UBR3: variants seen among roughly 807,000 people sequenced by gnomAD.
UBR3 encodes ubiquitin protein ligase E3 component n-recognin 3.
Under a neutral mutation model 243.2 loss-of-function variants are expected in UBR3, and 85 were observed. The observed-to-expected ratio is 0.35, with a 90% CI of 0.29 to 0.42. The LOEUF (loss-of-function observed/expected upper bound fraction) is 0.42. Among genes scored for constraint, UBR3 ranks in the 10% least tolerant of loss-of-function variants. The pLI, the probability that UBR3 is intolerant of heterozygous loss-of-function variation, is 1.00. For synonymous variants in UBR3, 748 were observed against 799.8 expected (o/e 0.94, Z 1.09); for missense variants, 1,686 against 2,300.8 (o/e 0.73, Z 5.47).
chr2:169,832,118 G>T (rs558449979), intron 1 of UBR3, among the ~76,000 whole-genome samples: 1 of 152,310 alleles, frequency 6.6e-6, no homozygotes, highest in Admixed American at 6.5e-5. Context: ...GAACTGTGGG[G>T]AGGATTTAGT....
intron 24 of UBR3, among the ~76,000 whole-genome samples, chr2:169,967,061 G>A (rs2087845201): frequency 6.6e-6 from 1 of 152,076 alleles, no homozygotes; most frequent in Admixed American, 6.6e-5. Context: ...ATTTTGTCTT[G>A]ACACATCCAT....
chr2:169,974,455 A>G (rs2088328003), intron 24 of UBR3, among the ~76,000 whole-genome samples: 1 of 152,148 alleles, frequency 6.6e-6, no homozygotes, highest in African/African-American at 2.4e-5. Context: ...GTTGGCATAT[A>G]GTTGTTCATA....
chr2:169,837,112 G>A (rs1379915861), intron 1 of UBR3, among the ~76,000 whole-genome samples: 1 of 152,130 alleles, frequency 6.6e-6, no homozygotes, highest in Non-Finnish European at 1.5e-5. Context: ...TAGGTCTTTT[G>A]TCCATCTGGA....
intron 16 of UBR3, 33 bp from the exon 17 acceptor site, chr2:169,927,287 C>A: frequency 6.6e-7 from 1 of 1,513,820 alleles, no homozygotes; most frequent in South Asian, 1.3e-5. Context: ...TATGTATACT[C>A]AGATTTGTTA....
At chr2:169,912,369 A>C (rs1218272719) in intron 10 of UBR3, among the ~76,000 whole-genome samples, 10 of 151,890 alleles carry the variant, frequency 6.6e-5, no homozygotes. Context: ...CCCAATTCCA[A>C]CCTCCCCTCA....
At chr2:169,999,923 TCGAGACCAGCC>T (rs2089633523) in intron 26 of UBR3, among the ~76,000 whole-genome samples, 3 of 152,212 alleles carry the variant, frequency 2.0e-5, no homozygotes, top group Non-Finnish European at 4.4e-5. Context: ...GGTCGGGAGT[TCGAGACCAGCC>T]TGACCAACAT....
At chr2:169,836,755 C>T (rs1217204814) in intron 1 of UBR3, among the ~76,000 whole-genome samples, 1 of 151,538 alleles carries the variant, frequency 6.6e-6, no homozygotes, top group Admixed American at 6.6e-5. Context: ...TAAAGTTGAA[C>T]ATCTTTTCAT....
chr2:170,075,647 CT>C (rs2091791485), intron 36 of UBR3, among the ~76,000 whole-genome samples: 1 of 152,082 alleles, frequency 6.6e-6, no homozygotes, highest in African/African-American at 2.4e-5. Context: ...TGTATTCCCC[CT>C]TGTGTCCCTG....
intron 24 of UBR3, among the ~76,000 whole-genome samples, chr2:169,976,606 T>C (rs768734224): frequency 9.9e-5 from 15 of 152,154 alleles, no homozygotes; most frequent in African/African-American, 3.6e-4. Context: ...GCCTATAAGG[T>C]TTTTGCTGAG....
chr2:170,073,341 CAAAG>C, intron 35 of UBR3, 83 bp from the exon 36 acceptor site: 1 of 1,479,806 alleles, frequency 6.8e-7, no homozygotes, highest in Non-Finnish European at 9.3e-7. Flanking sequence ...CTTATTGTCT[CAAAG>C]TAATTGATGA....
In UBR3 at chr2:169,835,993, G is replaced by GTCCCCCTCTCTC. The variant is rs1194152380; in HGVS notation, c.545+7943_545+7944insCCCCTCTCTCTC. ...TTTTCCTGAAATTCCTGTGTGCACT[G>GTCCCCCTCTCTC]TCTCTCTCTCTCTCTCTCTCTCTCT... On this transcript the variant is annotated intron_variant, in intron 1 of 38. Coordinates refer to ENST00000272793, the MANE Select transcript of UBR3 (RefSeq NM_172070.4). Among the ~76,000 whole-genome samples the GTCCCCCTCTCTC allele has an allele frequency of 8.1e-4, 25 of 30,730 alleles. 2 individuals carry two copies. Among genetic ancestry groups the GTCCCCCTCTCTC allele is most frequent in the East Asian group, 1.9e-3 (2 of 1,058 alleles). 20.2% of individuals were successfully genotyped at this position (30,730 alleles called of 152,430 possible). A position where few individuals can be genotyped will look rare whatever the true frequency, so the allele number is the denominator to read the frequency against.
chr2:169,860,001 G>A (rs1035706823), intron 1 of UBR3, among the ~76,000 whole-genome samples: 1 of 152,120 alleles, frequency 6.6e-6, no homozygotes, highest in Non-Finnish European at 1.5e-5. Flanking sequence ...ACAGGCGTGA[G>A]CCACCGCACC....
At chr2:170,009,188 T>C (rs569418008) in intron 29 of UBR3, among the ~76,000 whole-genome samples, 1 of 152,262 alleles carries the variant, frequency 6.6e-6, no homozygotes, top group Admixed American at 6.5e-5. Context: ...AGTATGTTAC[T>C]AACATTTTGG....
intron 31 of UBR3, among the ~76,000 whole-genome samples, chr2:170,035,913 G>GGC: frequency 7.9e-6 from 1 of 125,850 alleles, no homozygotes; most frequent in South Asian, 2.9e-4. Flanking sequence ...ATTTTATTGG[G>GGC]GGGGGGGTTG....
intron 38 of UBR3, among the ~76,000 whole-genome samples, chr2:170,081,407 G>C (rs1484492482): frequency 1.3e-5 from 2 of 152,224 alleles, no homozygotes; most frequent in East Asian, 3.9e-4. Flanking sequence ...GGCTGAGGCA[G>C]GAGAATGGCA....
At chr2:169,908,195 A>G (rs1454691356) in intron 10 of UBR3, among the ~76,000 whole-genome samples, 1 of 152,140 alleles carries the variant, frequency 6.6e-6, no homozygotes, top group East Asian at 1.9e-4. Flanking sequence ...TTTTTCTTGC[A>G]TGAGAGTTAT....
intron 24 of UBR3, among the ~76,000 whole-genome samples, chr2:169,982,092 T>C (rs1300139433): frequency 1.3e-5 from 2 of 152,182 alleles, no homozygotes; most frequent in Non-Finnish European, 2.9e-5. Context: ...TTTTAAAAAT[T>C]AAATTGTGTT....
intron 1 of UBR3, among the ~76,000 whole-genome samples, chr2:169,847,625 C>A (rs1217784607): frequency 2.0e-5 from 3 of 152,162 alleles, no homozygotes; most frequent in African/African-American, 7.2e-5. Context: ...CATCTACTTA[C>A]TATTTCCAGT....
At chr2:170,019,429 A>G (rs559147397) in intron 30 of UBR3, among the ~76,000 whole-genome samples, 90 of 152,280 alleles carry the variant, frequency 5.9e-4, no homozygotes, top group African/African-American at 2.1e-3. Flanking sequence ...CACTCATGTG[A>G]TCCTAGCATT....
Sources: gnomAD v4.1 joint callset for allele counts (sites outside exome capture counted in the v4.1 genomes callset) on GRCh38, gnomAD v4.1.1 for gene constraint, MANE v1.5 for transcripts, NCBI Gene and HGNC (gene_info 2026-07-23, HGNC 2026-07-21) for gene names.